The following OR10G9 variants were observed in gnomAD, a reference collection of about 807,000 sequenced individuals.
The protein encoded by OR10G9 is olfactory receptor family 10 subfamily G member 9.
For missense variants in OR10G9, 347 were observed against 378.6 expected (o/e 0.92, Z 0.69); for synonymous variants, 149 against 161.0 (o/e 0.93, Z 0.56).
In OR10G9 at chr11:124,023,707, G is replaced by A. The variant is rs767983467; in HGVS notation, c.695G>A (p.Gly232Glu). ...CSILRIHTSEGRHRAFQTCAS... is the reference protein window; with the variant it reads ...CSILRIHTSEERHRAFQTCAS... ...ATCCTGCGGATCCACACCTCAGAGG[G>A]GAGGCACAGAGCCTTTCAGACCTGT... The change falls in exon 1 of 1, where the codon GGG becomes GAG. Residue 232 changes from glycine (G) to glutamate (E), a missense_variant. By Grantham distance (98) the Gly-to-Glu change is moderately conservative. Transcript: ENST00000375024. 2 of 1,614,102 alleles carry A rather than the reference G, an allele frequency of 1.2e-6. No individual in the cohort carries two copies. The highest frequency in any genetic ancestry group is 1.1e-5 in the South Asian group (1 of 91,064).
rs1565592911 is a variant in OR10G9, at chr11:124,023,276, C to T, written c.264C>T (p.Gly88=). Reference sequence around the variant, plus strand: ...TGATGACCTTGGTGTCCCCAAGCGGCAGGGCTATCTCCTTCCACAGCTGCG... The same window carrying T: ...TGATGACCTTGGTGTCCCCAAGCGGTAGGGCTATCTCCTTCCACAGCTGCG... The part of the protein sequence containing the change: ...KMLMTLVSPS[G]RAISFHSCVA... The change falls in exon 1 of 1, where the codon GGC becomes GGT. Residue 88 remains glycine (G), a synonymous_variant. Transcript: ENST00000375024. 1 of 1,569,108 alleles carries T rather than the reference C, an allele frequency of 6.4e-7. No homozygotes were observed.
rs1284829689 is a variant in OR10G9, at chr11:124,023,875, C to A, written c.863C>A (p.Thr288Asn). 3.1e-6 allele frequency: 5 copies of A among 1,613,210 alleles called. No individual in the cohort carries two copies. Among genetic ancestry groups the A allele is most frequent in the Non-Finnish European group, 3.4e-6 (4 of 1,179,832 alleles). ...CCCCTTCTCAACCCTGTTGTGTACA[C>A]CCTGAGAAACAAGGAGGTGAAGAAA... Reference protein sequence around the residue: ...LTPLLNPVVYTLRNKEVKKAV... With the variant: ...LTPLLNPVVYNLRNKEVKKAV... Residue 288 changes from threonine (T) to asparagine (N), a missense_variant, in exon 1 of 1, where the codon ACC (threonine) becomes AAC (asparagine). Physicochemically the swap from Thr to Asn is moderately conservative, Grantham distance 65. Coordinates refer to ENST00000375024, the MANE Select transcript of OR10G9 (RefSeq NM_001001953.1).
chr11:124,023,575 G>T lies in OR10G9; in HGVS notation c.563G>T (p.Cys188Phe), dbSNP rs772990354. The T allele has an allele frequency of 2.9e-5, 47 of 1,614,042 alleles. No homozygotes were observed. In the South Asian group the frequency reaches 4.8e-4, roughly 17 times the overall value. Residue 188 changes from cysteine (C) to phenylalanine (F), a missense_variant, in exon 1 of 1, where the codon TGT (cysteine) becomes TTT (phenylalanine). By Grantham distance (205) the Cys-to-Phe change is radical. Transcript: ENST00000375024. ...GCACCGCCCATCCTGAAACTGGCCT[G>T]TGCAGACACCTCAGCCAACGAGATG... is the stretch of plus-strand genomic sequence containing the variant. ...CDAPPILKLA[C>F]ADTSANEMVI...
Position 124,023,447 on chromosome 11 carries a change from C to T in OR10G9, c.435C>T (p.Thr145=). The change falls in exon 1 of 1, where the codon ACC becomes ACT. Residue 145 remains threonine (T), a synonymous_variant. Transcript: ENST00000375024. ...GGAGCAGATGTGCCCTCCTGGCCAC[C>T]AGCACTTGGCTCAGTGGCTCTCTGC... ...MSGSRCALLA[T]STWLSGSLHS... The T allele has an allele frequency of 6.2e-7, 1 of 1,613,064 alleles. No individual in the cohort carries two copies. The highest frequency in any genetic ancestry group is 8.5e-7 in the Non-Finnish European group (1 of 1,179,692).
At position 124,023,673 on chromosome 11, in the gene OR10G9, G is replaced by C. The variant is rs771882685; in HGVS notation, c.661G>C (p.Val221Leu). The C allele has an allele frequency of 1.2e-6, 2 of 1,614,026 alleles. No individual in the cohort carries two copies. The highest frequency in any genetic ancestry group is 2.2e-5 in the South Asian group (2 of 91,066). ...GATAGTGCTGTCTTATGTGTCCATC[G>C]TCTGTTCCATCCTGCGGATCCACAC... is the stretch of plus-strand genomic sequence containing the variant. ...LLIVLSYVSI[V>L]CSILRIHTSE... Residue 221 changes from valine to leucine, a missense_variant, in exon 1 of 1, where the codon GTC becomes CTC. Coordinates refer to ENST00000375024, the MANE Select transcript of OR10G9 (RefSeq NM_001001953.1).
rs1353729294 is a variant in OR10G9 at position 124,023,528 on chromosome 11, G to C, written c.516G>C (p.Gln172His). Reference protein sequence around the residue: ...TFHLPYCGPNQIQHYLCDAPP... With the variant: ...TFHLPYCGPNHIQHYLCDAPP... ...ATTTGCCCTACTGTGGACCCAACCA[G>C]ATCCAGCACTATTTGTGTGATGCAC... Residue 172 changes from glutamine (Q) to histidine (H), a missense_variant, in exon 1 of 1, where the codon CAG becomes CAC. Coordinates refer to ENST00000375024, the MANE Select transcript of OR10G9 (RefSeq NM_001001953.1). 5.6e-6 allele frequency: 9 copies of C among 1,613,762 alleles called. No individual in the cohort carries two copies. Among genetic ancestry groups the C allele is most frequent in the Non-Finnish European group, 7.6e-6 (9 of 1,179,874 alleles).
At position 124,023,425 on chromosome 11, in the gene OR10G9, G is replaced by C; in HGVS notation, c.413G>C (p.Ser138Thr). 1.2e-6 allele frequency: 2 copies of C among 1,612,064 alleles called. No homozygotes were observed. Among genetic ancestry groups the C allele is most frequent in the Non-Finnish European group, 1.7e-6 (2 of 1,179,328 alleles). ...PLRYTSMMSG[S>T]RCALLATSTW... ...AGGTACACCAGCATGATGAGTGGGAGCAGATGTGCCCTCCTGGCCACCAGC... is the reference window on the plus strand; with the variant it reads ...AGGTACACCAGCATGATGAGTGGGACCAGATGTGCCCTCCTGGCCACCAGC... The change falls in exon 1 of 1, where the codon AGC (serine) becomes ACC (threonine). Residue 138 changes from serine to threonine, a missense_variant. By Grantham distance (58) the Ser-to-Thr change is moderately conservative. Transcript: ENST00000375024.
In OR10G9 at chr11:124,023,262, G is replaced by C. The variant is rs140344214; in HGVS notation, c.250G>C (p.Val84Leu). 801 of 1,589,442 alleles carry C rather than the reference G, an allele frequency of 5.0e-4. 1 individual carries two copies. The African/African-American group carries it at 9.4e-3, about 19-fold the overall frequency. Residue 84 changes from valine to leucine, a missense_variant, in exon 1 of 1, where the codon GTG becomes CTG. Physicochemically the swap from Val to Leu is conservative, Grantham distance 32. Coordinates refer to ENST00000375024, the MANE Select transcript of OR10G9 (RefSeq NM_001001953.1). The part of the protein sequence containing the change: ...VTVPKMLMTL[V>L]SPSGRAISFH... ...GGTGCCCAAAATGCTGATGACCTTG[G>C]TGTCCCCAAGCGGCAGGGCTATCTC...
In OR10G9 at chr11:124,023,694, C is replaced by G; in HGVS notation, c.682C>G (p.His228Asp). The change falls in exon 1 of 1, where the codon CAC (histidine) becomes GAC (aspartate). Residue 228 changes from histidine to aspartate, a missense_variant. Physicochemically the swap from His to Asp is moderately conservative, Grantham distance 81 (BLOSUM62 -1). Coordinates refer to ENST00000375024, the MANE Select transcript of OR10G9 (RefSeq NM_001001953.1). ...VSIVCSILRIHTSEGRHRAFQ... is the reference protein window; with the variant it reads ...VSIVCSILRIDTSEGRHRAFQ... ...CATCGTCTGTTCCATCCTGCGGATCCACACCTCAGAGGGGAGGCACAGAGC... is the reference window on the plus strand; with the variant it reads ...CATCGTCTGTTCCATCCTGCGGATCGACACCTCAGAGGGGAGGCACAGAGC... 6.2e-7 allele frequency: 1 copy of G among 1,613,732 alleles called. No homozygotes were observed. Among genetic ancestry groups the G allele is most frequent in the Non-Finnish European group, 8.5e-7 (1 of 1,179,924 alleles).
chr11:124,023,087 C>T lies in OR10G9; in HGVS notation c.75C>T (p.Leu25=), dbSNP rs756607638. ...ATGCCCCAGGGCTGGACGCCCCACTCTTTGGAATCTTCCTGGTGGTTTACG... is the reference window on the plus strand; with the variant it reads ...ATGCCCCAGGGCTGGACGCCCCACTTTTTGGAATCTTCCTGGTGGTTTACG... ...LPHAPGLDAP[L]FGIFLVVYVL... is the part of the protein sequence containing the mutation. The change falls in exon 1 of 1, where the codon CTC becomes CTT. Residue 25 remains leucine, a synonymous_variant. Coordinates refer to ENST00000375024, the MANE Select transcript of OR10G9 (RefSeq NM_001001953.1). 14 of 1,613,996 alleles carry T rather than the reference C, an allele frequency of 8.7e-6. 1 individual carries two copies. The South Asian group carries it at 1.3e-4, about 15-fold the overall frequency.
chr11:124,023,101 T>C lies in OR10G9; in HGVS notation c.89T>C (p.Leu30Pro), dbSNP rs368132909. Residue 30 changes from leucine to proline, a missense_variant, in exon 1 of 1, where the codon CTG becomes CCG. By Grantham distance (98) the Leu-to-Pro change is moderately conservative. Coordinates refer to ENST00000375024, the MANE Select transcript of OR10G9 (RefSeq NM_001001953.1). ...GACGCCCCACTCTTTGGAATCTTCC[T>C]GGTGGTTTACGTGCTCACTGTGCTG... ...GLDAPLFGIFLVVYVLTVLGN... is the reference protein window; with the variant it reads ...GLDAPLFGIFPVVYVLTVLGN... 2 of 1,613,826 alleles carry C rather than the reference T, an allele frequency of 1.2e-6. No homozygotes were observed. Among genetic ancestry groups the C allele is most frequent in the Non-Finnish European group, 1.7e-6 (2 of 1,179,866 alleles).
chr11:124,023,604 A>G lies in OR10G9; in HGVS notation c.592A>G (p.Ile198Val), dbSNP rs537864074. The stretch of plus-strand genomic sequence containing the variant: ...AGACACCTCAGCCAACGAGATGGTC[A>G]TCTTTGTGGACATTGGGCTAGTGGC... ...CADTSANEMV[I>V]FVDIGLVASG... The change falls in exon 1 of 1, where the codon ATC becomes GTC. Residue 198 changes from isoleucine to valine, a missense_variant. Transcript: ENST00000375024. 5 of 1,614,080 alleles carry G rather than the reference A, an allele frequency of 3.1e-6. No homozygotes were observed. In the South Asian group the frequency reaches 5.5e-5, roughly 18 times the overall value.
In OR10G9 at chr11:124,023,556, C is replaced by T. The variant is rs768083203; in HGVS notation, c.544C>T (p.Pro182Ser). ...QIQHYLCDAP[P>S]ILKLACADTS... ...CCAGCACTATTTGTGTGATGCACCG[C>T]CCATCCTGAAACTGGCCTGTGCAGA... Residue 182 changes from proline (P) to serine (S), a missense_variant, in exon 1 of 1, where the codon CCC (proline) becomes TCC (serine). Transcript: ENST00000375024. The T allele has an allele frequency of 6.2e-7, 1 of 1,613,974 alleles. No homozygotes were observed. Among genetic ancestry groups the T allele is most frequent in the Non-Finnish European group, 8.5e-7 (1 of 1,179,892 alleles).
Position 124,023,583 on chromosome 11 carries a change from A to T in OR10G9, c.571A>T (p.Thr191Ser). Residue 191 changes from threonine (T) to serine (S), a missense_variant, in exon 1 of 1, where the codon ACC becomes TCC. Coordinates refer to ENST00000375024, the MANE Select transcript of OR10G9 (RefSeq NM_001001953.1). ...PPILKLACAD[T>S]SANEMVIFVD... is the part of the protein sequence containing the mutation. ...CATCCTGAAACTGGCCTGTGCAGAC[A>T]CCTCAGCCAACGAGATGGTCATCTT... The T allele has an allele frequency of 6.2e-7, 1 of 1,613,888 alleles. No homozygotes were observed. The highest frequency in any genetic ancestry group is 8.5e-7 in the Non-Finnish European group (1 of 1,179,902).
rs775060749 is a variant in OR10G9, at chr11:124,023,509, C to G, written c.497C>G (p.Pro166Arg). 109 of 1,613,682 alleles carry G rather than the reference C, an allele frequency of 6.8e-5. No homozygotes were observed. Among genetic ancestry groups the G allele is most frequent in the Non-Finnish European group, 9.1e-5 (107 of 1,179,852 alleles). Residue 166 changes from proline (P) to arginine (R), a missense_variant, in exon 1 of 1, where the codon CCC (proline) becomes CGC (arginine). By Grantham distance (103) the Pro-to-Arg change is moderately radical. Transcript: ENST00000375024. ...CAGACCATATTGACTTTCCATTTGCCCTACTGTGGACCCAACCAGATCCAG... is the reference window on the plus strand; with the variant it reads ...CAGACCATATTGACTTTCCATTTGCGCTACTGTGGACCCAACCAGATCCAG... The part of the protein sequence containing the change: ...AVQTILTFHL[P>R]YCGPNQIQHY...
At position 124,023,601 on chromosome 11, in the gene OR10G9, G is replaced by T; in HGVS notation, c.589G>T (p.Val197Phe). 1 of 1,614,076 alleles carries T rather than the reference G, an allele frequency of 6.2e-7. No individual in the cohort carries two copies. The highest frequency in any genetic ancestry group is 1.1e-5 in the South Asian group (1 of 91,070). Residue 197 changes from valine to phenylalanine, a missense_variant, in exon 1 of 1, where the codon GTC becomes TTC. Physicochemically the swap from Val to Phe is conservative, Grantham distance 50 (BLOSUM62 -1). Coordinates refer to ENST00000375024, the MANE Select transcript of OR10G9 (RefSeq NM_001001953.1). Reference protein sequence around the residue: ...ACADTSANEMVIFVDIGLVAS... With the variant: ...ACADTSANEMFIFVDIGLVAS... ...TGCAGACACCTCAGCCAACGAGATG[G>T]TCATCTTTGTGGACATTGGGCTAGT...
chr11:124,023,111 C>T lies in OR10G9; in HGVS notation c.99C>T (p.Tyr33=), dbSNP rs145074505. ...TCTTTGGAATCTTCCTGGTGGTTTA[C>T]GTGCTCACTGTGCTGGGGAACCTCC... ...APLFGIFLVV[Y]VLTVLGNLLI... The change falls in exon 1 of 1, where the codon TAC becomes TAT. Residue 33 remains tyrosine, a synonymous_variant. Transcript: ENST00000375024. The T allele has an allele frequency of 1.3e-4, 210 of 1,613,878 alleles. No homozygotes were observed. Among genetic ancestry groups the T allele is most frequent in the South Asian group, 2.0e-4 (18 of 91,070 alleles).
rs750392759 is a variant in OR10G9 at position 124,023,460 on chromosome 11, A to G, written c.448A>G (p.Ser150Gly). 7 of 1,613,200 alleles carry G rather than the reference A, an allele frequency of 4.3e-6. No individual in the cohort carries two copies. Among genetic ancestry groups the G allele is most frequent in the Non-Finnish European group, 8.5e-7 (1 of 1,179,766 alleles). The part of the protein sequence containing the change: ...CALLATSTWL[S>G]GSLHSAVQTI... ...CCTCCTGGCCACCAGCACTTGGCTC[A>G]GTGGCTCTCTGCACTCTGCTGTCCA... Residue 150 changes from serine to glycine, a missense_variant, in exon 1 of 1, where the codon AGT becomes GGT. Coordinates refer to ENST00000375024, the MANE Select transcript of OR10G9 (RefSeq NM_001001953.1).
chr11:124,023,032 T>A lies in OR10G9; in HGVS notation c.20T>A (p.Val7Glu). The A allele has an allele frequency of 6.2e-7, 1 of 1,613,944 alleles. No individual in the cohort carries two copies. The highest frequency in any genetic ancestry group is 8.5e-7 in the Non-Finnish European group (1 of 1,179,830). The change falls in exon 1 of 1, where the codon GTG becomes GAG. Residue 7 changes from valine to glutamate, a missense_variant. Transcript: ENST00000375024. Reference sequence around the variant, plus strand: ...GAAGAAATGTCCAAGACCAGCCTCGTGACAGCGTTCATCCTCACGGGCCTT... The same window carrying A: ...GAAGAAATGTCCAAGACCAGCCTCGAGACAGCGTTCATCCTCACGGGCCTT... MSKTSL[V>E]TAFILTGLPH...
Sources: allele counts gnomAD v4.1 joint callset, GRCh38; gene constraint gnomAD v4.1.1; transcripts MANE v1.5; gene names NCBI Gene and HGNC (gene_info 2026-07-23, HGNC 2026-07-21).